The following PARD3 variants were observed in gnomAD, a reference collection of about 807,000 sequenced individuals.
PARD3 encodes partitioning defective 3 homolog.
PARD3 carries 75 observed loss-of-function variants against 155.4 expected under a neutral mutation model. That is an observed-to-expected ratio of 0.48 (90% CI 0.40 to 0.58). The LOEUF is 0.58. PARD3 is among the 20% of genes least tolerant of loss of function. The probability of loss-of-function intolerance (pLI) is 0.00; values close to 1 mark genes in which losing one functional copy is unlikely to be tolerated. For synonymous variants in PARD3, 576 were observed against 610.5 expected (o/e 0.94, Z 0.83); for missense variants, 1,642 against 1,721.7 (o/e 0.95, Z 0.82).
At chr10:34,626,602 G>C (rs2091990975) in intron 2 of PARD3, among the ~76,000 whole-genome samples, 1 of 152,162 alleles carries the variant, frequency 6.6e-6, no homozygotes, top group Admixed American at 6.5e-5. Context: ...TATTATATCT[G>C]TTATGACTAA....
chr10:34,491,665 G>A (rs2079917012), intron 3 of PARD3, among the ~76,000 whole-genome samples: 1 of 152,168 alleles, frequency 6.6e-6, no homozygotes, highest in South Asian at 2.1e-4. Flanking sequence ...AATAATCAAG[G>A]AAAACAATAA....
Position 34,167,137 on chromosome 10 carries a change from G to A in PARD3, c.3420-35554C>T, listed in dbSNP as rs185855820. 7.9e-4 allele frequency among the ~76,000 whole-genome samples: 120 copies of A among 152,252 alleles called. 2 individuals are homozygous for A. The highest frequency in any genetic ancestry group is 2.7e-3 in the African/African-American group (112 of 41,548). ...CGGGCCTGGGTCTGTGTGTCTGAGG[G>A]AATAACCTGTCAAGGAAATCTCCCA... is the stretch of plus-strand genomic sequence containing the variant. On this transcript the variant is annotated intron_variant, in intron 22 of 24. Transcript: ENST00000374788.
At chr10:34,217,609 G>T (rs1048650182) in intron 22 of PARD3, among the ~76,000 whole-genome samples, 1 of 152,144 alleles carries the variant, frequency 6.6e-6, no homozygotes, top group African/African-American at 2.4e-5. Context: ...ATGGAACCAT[G>T]CTCGTGGCGT....
chr10:34,749,442 G>T, intron 1 of PARD3, among the ~76,000 whole-genome samples: 1 of 150,894 alleles, frequency 6.6e-6, no homozygotes, highest in Middle Eastern at 3.4e-3. Flanking sequence ...TAGTTTTGAA[G>T]GTTATAAAAA....
chr10:34,514,929 ATACAAG>A (rs1370385482), intron 3 of PARD3, among the ~76,000 whole-genome samples: 2 of 152,220 alleles, frequency 1.3e-5, no homozygotes, highest in South Asian at 2.1e-4. Flanking sequence ...TTTAGAAAAG[ATACAAG>A]TACAACACTA....
chr10:34,549,148 T>C (rs532514898), intron 2 of PARD3, among the ~76,000 whole-genome samples: 7 of 152,344 alleles, frequency 4.6e-5, no homozygotes, highest in Non-Finnish European at 1.0e-4. Context: ...ATAATTCAAC[T>C]ACTAGCAGTA....
chr10:34,417,728 G>C (rs1845805023), intron 5 of PARD3, among the ~76,000 whole-genome samples: 1 of 152,184 alleles, frequency 6.6e-6, no homozygotes, highest in Non-Finnish European at 1.5e-5. Flanking sequence ...ACAAAAAGGA[G>C]AAAATAGGCT....
chr10:34,330,701 AAGTT>A (rs1332750031), intron 19 of PARD3, among the ~76,000 whole-genome samples: 2 of 152,164 alleles, frequency 1.3e-5, no homozygotes, highest in Non-Finnish European at 2.9e-5. Context: ...AAAACTGGGA[AAGTT>A]TTAAAATATT....
At chr10:34,813,190 T>C (rs766645515) in intron 1 of PARD3, among the ~76,000 whole-genome samples, 4 of 152,220 alleles carry the variant, frequency 2.6e-5, no homozygotes, top group Non-Finnish European at 5.9e-5. Context: ...GGATGAAACA[T>C]GGGACACAGT....
chr10:34,598,537 A>AT (rs941461498), intron 2 of PARD3, among the ~76,000 whole-genome samples: 3 of 152,180 alleles, frequency 2.0e-5, no homozygotes, highest in East Asian at 1.9e-4. Flanking sequence ...GAAAAAAAAT[A>AT]TTTTTTTAAA....
intron 7 of PARD3, among the ~76,000 whole-genome samples, chr10:34,391,001 C>T (rs1842824289): frequency 6.6e-6 from 1 of 152,072 alleles, no homozygotes; most frequent in South Asian, 2.1e-4. Context: ...CTGCTGACTC[C>T]CCCATTGAGT....
At chr10:34,808,180 G>A (rs984226781) in intron 1 of PARD3, among the ~76,000 whole-genome samples, 13 of 117,998 alleles carry the variant, frequency 1.1e-4, no homozygotes, top group African/African-American at 4.1e-4. Flanking sequence ...CAGGTGTGGC[G>A]GCACACAACT....
At chr10:34,292,126 A>G (rs1204909378) in intron 20 of PARD3, among the ~76,000 whole-genome samples, 1 of 152,228 alleles carries the variant, frequency 6.6e-6, no homozygotes, top group East Asian at 1.9e-4. Context: ...AAATACTGTC[A>G]GGCAACAGCA....
intron 2 of PARD3, among the ~76,000 whole-genome samples, chr10:34,605,351 G>A (rs755417349): frequency 5.0e-4 from 74 of 148,722 alleles, no homozygotes; most frequent in African/African-American, 1.7e-3. Flanking sequence ...CTACCACCAC[G>A]CCTGGCTAAT....
At chr10:34,811,873 C>A (rs35664050) in intron 1 of PARD3, among the ~76,000 whole-genome samples, 212 of 152,154 alleles carry the variant, frequency 1.4e-3, no homozygotes, top group Non-Finnish European at 2.5e-3. Flanking sequence ...ATCCTGCGCC[C>A]TCATGAGAAC....
chr10:34,425,110 T>C (rs1436426868), intron 5 of PARD3, among the ~76,000 whole-genome samples: 1 of 152,042 alleles, frequency 6.6e-6, no homozygotes, highest in Non-Finnish European at 1.5e-5. Flanking sequence ...CCACCTCCTA[T>C]CTTCCAATTT....
intron 20 of PARD3, among the ~76,000 whole-genome samples, chr10:34,310,901 A>C (rs924219669): frequency 3.9e-5 from 6 of 152,250 alleles, no homozygotes; most frequent in Admixed American, 3.9e-4. Flanking sequence ...AAGAAAGCAA[A>C]TAAAATTATG....
chr10:34,201,470 T>C (rs1588732321), intron 22 of PARD3, among the ~76,000 whole-genome samples: 1 of 152,270 alleles, frequency 6.6e-6, no homozygotes, highest in East Asian at 1.9e-4. Context: ...AAGAGAACTA[T>C]AATTAGAAGG....
chr10:34,561,994 T>G (rs1438157472), intron 2 of PARD3, among the ~76,000 whole-genome samples: 1 of 147,262 alleles, frequency 6.8e-6, no homozygotes, highest in Non-Finnish European at 1.5e-5. Flanking sequence ...ATTAGCTGGG[T>G]ATGGTGGCAG....
Sources: allele counts gnomAD v4.1 joint callset (sites outside exome capture counted in the v4.1 genomes callset), GRCh38; gene constraint gnomAD v4.1.1; transcripts MANE v1.5; gene names NCBI Gene and HGNC (gene_info 2026-07-23, HGNC 2026-07-21).